Variants in CTNNA3 observed in about 807,000 individuals in gnomAD.
The protein encoded by CTNNA3 is catenin alpha 3, also known as catenin alpha-3.
CTNNA3 carries 76 observed loss-of-function variants against 95.7 expected under a neutral mutation model. That is an observed-to-expected ratio of 0.79 (90% CI 0.66 to 0.96). CTNNA3 has a LOEUF of 0.96. Ranked by LOEUF, CTNNA3 falls within the 40% of genes least tolerant of loss-of-function variation. The probability of loss-of-function intolerance (pLI) is 0.00; values close to 1 mark genes in which losing one functional copy is unlikely to be tolerated. For synonymous variants in CTNNA3, 431 were observed against 374.4 expected (o/e 1.15, Z -1.74); for missense variants, 1,191 against 1,089.8 (o/e 1.09, Z -1.31).
intron 6 of CTNNA3, among the ~76,000 whole-genome samples, chr10:67,184,659 C>T (rs759506665): frequency 6.6e-6 from 1 of 152,202 alleles, no homozygotes; most frequent in Non-Finnish European, 1.5e-5. Flanking sequence ...CCTTGAGCTT[C>T]ATCTTTGACA....
upstream of CTNNA3, chr10:67,696,272 A>G (rs1016008629): frequency 6.6e-6 from 1 of 152,160 alleles, no homozygotes; most frequent in Non-Finnish European, 1.5e-5. Context: ...GTTACTGAAA[A>G]TACTTCGTTG....
intron 5 of CTNNA3, among the ~76,000 whole-genome samples, chr10:67,322,320 AC>A (rs1841355121): frequency 6.6e-6 from 1 of 152,040 alleles, no homozygotes; most frequent in South Asian, 2.1e-4. Context: ...TTATTTCATC[AC>A]CCAGGTATTA....
intron 7 of CTNNA3, among the ~76,000 whole-genome samples, chr10:67,045,419 TG>T (rs201903756): frequency 3.3e-5 from 5 of 152,244 alleles, no homozygotes; most frequent in African/African-American, 4.8e-5. Flanking sequence ...TTGGTTTTTT[TG>T]TTGTTGTTGT....
intron 10 of CTNNA3, among the ~76,000 whole-genome samples, chr10:66,579,390 T>C (rs1176502174): frequency 1.3e-5 from 2 of 151,862 alleles, no homozygotes; most frequent in Admixed American, 6.6e-5. Context: ...GAATGGATTA[T>C]AAATGCAAAC....
At chr10:66,243,681 C>T (rs1157793149) in intron 13 of CTNNA3, among the ~76,000 whole-genome samples, 1 of 152,126 alleles carries the variant, frequency 6.6e-6, no homozygotes, top group Non-Finnish European at 1.5e-5. Flanking sequence ...ATAGTCTGAC[C>T]ACCTTGGGTA....
At chr10:66,221,292 T>C (rs1313994421) in intron 13 of CTNNA3, among the ~76,000 whole-genome samples, 1 of 152,306 alleles carries the variant, frequency 6.6e-6, no homozygotes, top group East Asian at 1.9e-4. Flanking sequence ...AAGGCCCAGT[T>C]CACTAGCTAC....
chr10:67,723,341 G>C (rs1045904099), intron 1 of CTNNA3, among the ~76,000 whole-genome samples: 1 of 151,078 alleles, frequency 6.6e-6, no homozygotes, highest in Non-Finnish European at 1.5e-5. Flanking sequence ...GCTGAGGCTG[G>C]AGTGCAGTGA....
chr10:66,983,996 C>T (rs951240950), intron 7 of CTNNA3, among the ~76,000 whole-genome samples: 4 of 152,140 alleles, frequency 2.6e-5, no homozygotes, highest in Admixed American at 6.5e-5. Flanking sequence ...TGATGATAAT[C>T]GAGGCTTAGG....
In CTNNA3 at chr10:67,114,320, T is replaced by C. The variant is rs1859062138; in HGVS notation, c.1047+65997A>G. On this transcript the variant is annotated intron_variant, in intron 7 of 17. Coordinates refer to ENST00000433211, the MANE Select transcript of CTNNA3 (RefSeq NM_013266.4). ...ATTTTAAAAATATTCTTAGACAAGG[T>C]TCTGGATTATATTTCAATTCTGTTC... 3.3e-5 allele frequency among the ~76,000 whole-genome samples: 5 copies of C among 152,192 alleles called. No individual in the cohort carries two copies. In the South Asian group the frequency reaches 1.0e-3, roughly 31 times the overall value.
At chr10:67,696,469 CA>C (rs1564834304), upstream of CTNNA3, among the ~76,000 whole-genome samples, 1 of 152,156 alleles carries the variant, frequency 6.6e-6, no homozygotes, top group East Asian at 1.9e-4. Context: ...ATCCTCACAT[CA>C]AAAGATCAAT....
intron 10 of CTNNA3, among the ~76,000 whole-genome samples, chr10:66,546,164 T>C (rs959194773): frequency 4.6e-5 from 7 of 151,958 alleles, no homozygotes; most frequent in Non-Finnish European, 1.0e-4. Flanking sequence ...AACTTTTTCA[T>C]ATCCCAAGCT....
intron 5 of CTNNA3, among the ~76,000 whole-genome samples, chr10:67,464,576 C>A (rs907948041): frequency 2.6e-5 from 4 of 152,056 alleles, no homozygotes; most frequent in Non-Finnish European, 5.9e-5. Flanking sequence ...CCCAGCAGAC[C>A]TTTTGGGGTA....
chr10:67,103,293 A>G (rs186802493), intron 7 of CTNNA3, among the ~76,000 whole-genome samples: 3 of 151,972 alleles, frequency 2.0e-5, no homozygotes, highest in African/African-American at 7.2e-5. Flanking sequence ...TTCTTGACTG[A>G]GGAAAGCATA....
rs1041612377 is a variant in CTNNA3 at position 67,517,549 on chromosome 10, C to T, written c.579+4293G>A. On this transcript the variant is annotated intron_variant, in intron 5 of 17. Transcript: ENST00000433211. ...GCAGTTGTTCACTCCTGAGCATCGT[C>T]ACTAAAAAAGTACCATGTGCTGAAC... Among the ~76,000 whole-genome samples the T allele has an allele frequency of 3.9e-5, 6 of 152,050 alleles. No individual in the cohort carries two copies. In the East Asian group the frequency reaches 1.2e-3, roughly 29 times the overall value.
At chr10:67,391,501 T>C (rs1435632400) in intron 5 of CTNNA3, among the ~76,000 whole-genome samples, 1 of 152,086 alleles carries the variant, frequency 6.6e-6, no homozygotes, top group Non-Finnish European at 1.5e-5. Context: ...ACAGATTCAA[T>C]GCCATCCCCA....
intron 5 of CTNNA3, among the ~76,000 whole-genome samples, chr10:67,254,626 G>A (rs969590530): frequency 2.0e-5 from 3 of 152,102 alleles, no homozygotes; most frequent in African/African-American, 7.2e-5. Context: ...TTTAGTCAAC[G>A]ACAAACCACA....
chr10:66,233,875 T>G (rs2089721023), intron 13 of CTNNA3, among the ~76,000 whole-genome samples: 1 of 152,188 alleles, frequency 6.6e-6, no homozygotes, highest in Non-Finnish European at 1.5e-5. Context: ...AGCAGCATTA[T>G]TAATAATTGT....
At chr10:65,963,076 T>C (rs1229945657) in intron 17 of CTNNA3, among the ~76,000 whole-genome samples, 3 of 152,206 alleles carry the variant, frequency 2.0e-5, no homozygotes, top group African/African-American at 7.2e-5. Context: ...TCCCTTATCT[T>C]TCTAATCTAT....
intron 13 of CTNNA3, among the ~76,000 whole-genome samples, chr10:66,153,443 A>G (rs1000105022): frequency 7.2e-5 from 11 of 151,978 alleles, no homozygotes; most frequent in African/African-American, 2.7e-4. Flanking sequence ...GTTAGGCTCA[A>G]ATTACATACT....
Sources: allele counts gnomAD v4.1 joint callset (sites outside exome capture counted in the v4.1 genomes callset), GRCh38; gene constraint gnomAD v4.1.1; transcripts MANE v1.5; gene names NCBI Gene and HGNC (gene_info 2026-07-23, HGNC 2026-07-21).